NEDD8: variants seen among roughly 807,000 people sequenced by gnomAD.
NEDD8 encodes the protein ubiquitin-like protein NEDD8.
A neutral mutation model predicts 13.8 loss-of-function variants in NEDD8; 1 was observed. That is an observed-to-expected ratio of 0.07 (90% CI 0.03 to 0.34). The LOEUF is 0.34. NEDD8 is among the 10% of genes least tolerant of loss of function. NEDD8 has a pLI of 0.99. For synonymous variants in NEDD8, 31 were observed against 33.2 expected, an observed-to-expected ratio of 0.93 and a Z score of 0.23; for missense variants, 10 against 95.2, an observed-to-expected ratio of 0.10 and a Z score of 3.73.
intron 1 of NEDD8, among the ~76,000 whole-genome samples, chr14:24,224,284 G>A (rs946768571): frequency 4.0e-5 from 6 of 151,686 alleles, no homozygotes; most frequent in African/African-American, 7.3e-5. Flanking sequence ...TGCTGGTCTC[G>A]AACTCCTGAC....
intron 1 of NEDD8, among the ~76,000 whole-genome samples, chr14:24,229,745 T>C (rs2039957743): frequency 6.6e-6 from 1 of 152,144 alleles, no homozygotes; most frequent in Non-Finnish European, 1.5e-5. Context: ...TTGGACCTAG[T>C]GGACATGAGA....
intron 1 of NEDD8, among the ~76,000 whole-genome samples, chr14:24,220,345 A>G (rs1175573108): frequency 6.6e-6 from 1 of 152,144 alleles, no homozygotes; most frequent in Non-Finnish European, 1.5e-5. Flanking sequence ...TTTAAGAGAC[A>G]GGGTCTCACT....
At chr14:24,228,228 T>A (rs2039926294) in intron 1 of NEDD8, 1 of 151,242 alleles carries the variant, frequency 6.6e-6, no homozygotes, top group Non-Finnish European at 1.5e-5. Flanking sequence ...ACCCCGTCTC[T>A]ACTAAAATAC....
intron 1 of NEDD8, among the ~76,000 whole-genome samples, chr14:24,229,201 T>C (rs1015564667): frequency 2.0e-5 from 3 of 152,164 alleles, no homozygotes; most frequent in East Asian, 1.9e-4. Flanking sequence ...ACAGCATTGA[T>C]TTTTTTGTTC....
At chr14:24,223,461 T>TA in intron 1 of NEDD8, among the ~76,000 whole-genome samples, 1 of 152,204 alleles carries the variant, frequency 6.6e-6, no homozygotes, top group African/African-American at 2.4e-5. Context: ...ATACTTGACA[T>TA]ATATTTAAGT....
At chr14:24,219,695 T>C (rs549389500) in intron 1 of NEDD8, among the ~76,000 whole-genome samples, 4 of 152,284 alleles carry the variant, frequency 2.6e-5, no homozygotes, top group African/African-American at 7.2e-5. Context: ...CTGTCCTTGC[T>C]CTTAATAGCT....
intron 1 of NEDD8, among the ~76,000 whole-genome samples, chr14:24,224,469 T>G (rs150024780): frequency 2.6e-5 from 4 of 152,344 alleles, no homozygotes; most frequent in African/African-American, 9.6e-5. Flanking sequence ...TCACTGGGAT[T>G]ACAGGTGTGA....
At chr14:24,231,697 G>A (rs1444810785) in intron 1 of NEDD8, 2 of 152,630 alleles carry the variant, frequency 1.3e-5, no homozygotes, top group Admixed American at 6.5e-5. Flanking sequence ...GCCAGGCTCA[G>A]AAAGGCAGGT....
chr14:24,228,942 T>C (rs903270373), intron 1 of NEDD8, among the ~76,000 whole-genome samples: 1 of 152,056 alleles, frequency 6.6e-6, no homozygotes, highest in Non-Finnish European at 1.5e-5. Context: ...AGAGGCCTGT[T>C]TGAAGGCAGA....
At chr14:24,232,210 C>T in intron 1 of NEDD8, 40 bp downstream of exon 1, 1 of 1,613,978 alleles carries the variant, frequency 6.2e-7, no homozygotes, top group Non-Finnish European at 8.5e-7. Context: ...GCTGCCAGCC[C>T]AGTACTACTG....
At position 24,218,636 on chromosome 14, in the gene NEDD8, G is replaced by A. The variant is rs918786135; in HGVS notation, c.19-205C>T. 5 of 664,696 alleles carry A rather than the reference G, an allele frequency of 7.5e-6. No individual in the cohort carries two copies. In the African/African-American group the frequency reaches 9.1e-5, roughly 12 times the overall value. The allele number at this position is 664,696 out of a possible 1,614,324, so 41.2% of individuals were successfully genotyped here. A position where few individuals can be genotyped will look rare whatever the true frequency, so the allele number is the denominator to read the frequency against. The stretch of plus-strand genomic sequence containing the variant: ...GCTGTAAACAACTTTGATAGGGCAA[G>A]ATTCTTTGAACCATCTGATCCTCTT... On this transcript the variant is annotated intron_variant, in intron 1 of 3. Transcript: ENST00000250495.
At chr14:24,232,016 C>T in intron 1 of NEDD8, 1 of 595,878 alleles carries the variant, frequency 1.7e-6, no homozygotes, top group Non-Finnish European at 2.9e-6. Flanking sequence ...TAGCACAGTC[C>T]TGGCAAAAAA....
At chr14:24,226,121 T>C (rs1377003214) in intron 1 of NEDD8, among the ~76,000 whole-genome samples, 1 of 151,368 alleles carries the variant, frequency 6.6e-6, no homozygotes, top group Non-Finnish European at 1.5e-5. Flanking sequence ...GATCCAGCCC[T>C]GCCAACAATC....
chr14:24,225,066 C>T (rs944644649), intron 1 of NEDD8, among the ~76,000 whole-genome samples: 4 of 149,964 alleles, frequency 2.7e-5, no homozygotes, highest in African/African-American at 7.4e-5. Context: ...GGCTGAGGCA[C>T]GAGAATACAA....
intron 3 of NEDD8, chr14:24,217,881 A>C: frequency 9.6e-6 from 4 of 417,850 alleles, no homozygotes; most frequent in Non-Finnish European, 1.7e-5. Flanking sequence ...TACATATATT[A>C]CTATATCACA....
At chr14:24,226,337 C>CA (rs898544179) in intron 1 of NEDD8, among the ~76,000 whole-genome samples, 1 of 147,542 alleles carries the variant, frequency 6.8e-6, no homozygotes, top group African/African-American at 2.5e-5. Context: ...ACCAAAAATA[C>CA]AAAAAAATTA....
At chr14:24,223,663 C>T (rs939396097) in intron 1 of NEDD8, among the ~76,000 whole-genome samples, 1 of 151,724 alleles carries the variant, frequency 6.6e-6, no homozygotes, top group Non-Finnish European at 1.5e-5. Context: ...ATCATCCCAC[C>T]TCAGCATTCT....
intron 1 of NEDD8, among the ~76,000 whole-genome samples, chr14:24,221,307 C>A (rs1370114617): frequency 2.1e-5 from 3 of 144,238 alleles, no homozygotes; most frequent in Non-Finnish European, 3.0e-5. Context: ...TTTTTTGAGA[C>A]GGGGTCTCAG....
At chr14:24,221,343 G>A (rs1028259910) in intron 1 of NEDD8, among the ~76,000 whole-genome samples, 28 of 149,248 alleles carry the variant, frequency 1.9e-4, no homozygotes, top group Non-Finnish European at 3.0e-4. Context: ...GTGCAATGGT[G>A]CAATCATGGC....
Sources: allele counts gnomAD v4.1 joint callset (sites outside exome capture counted in the v4.1 genomes callset), GRCh38; gene constraint gnomAD v4.1.1; transcripts MANE v1.5; gene names NCBI Gene and HGNC (gene_info 2026-07-23, HGNC 2026-07-21).